The following PDZD2 variants were observed in gnomAD, a reference collection of about 807,000 sequenced individuals.
PDZD2 encodes PDZ domain-containing protein 2.
A neutral mutation model predicts 220.7 loss-of-function variants in PDZD2; 90 were observed. The observed-to-expected ratio is 0.41, with a 90% CI of 0.34 to 0.49. The LOEUF (loss-of-function observed/expected upper bound fraction) is 0.49. PDZD2 is among the 20% of genes least tolerant of loss of function. The pLI is 0.28. For missense variants in PDZD2, 3,174 were observed against 3,608.5 expected, an observed-to-expected ratio of 0.88 and a Z score of 3.08; for synonymous variants, 1,375 against 1,450.5, an observed-to-expected ratio of 0.95 and a Z score of 1.18.
chr5:31,665,564 G>A (rs763232309), intron 1 of PDZD2, among the ~76,000 whole-genome samples: 5 of 151,938 alleles, frequency 3.3e-5, no homozygotes, highest in South Asian at 2.1e-4. Context: ...TCATGGGGGC[G>A]GTTTCCCCCA....
intron 6 of PDZD2, among the ~76,000 whole-genome samples, chr5:32,021,160 T>TC (rs2112137510): frequency 1.3e-5 from 2 of 151,812 alleles, no homozygotes; most frequent in Non-Finnish European, 2.9e-5. Flanking sequence ...GGTCAGAAGT[T>TC]CCCCTGTGGA....
At chr5:31,690,197 T>C (rs1160711844) in intron 1 of PDZD2, among the ~76,000 whole-genome samples, 2 of 152,014 alleles carry the variant, frequency 1.3e-5, no homozygotes, top group African/African-American at 2.4e-5. Context: ...ATAGCACCCT[T>C]AGAGGGTTGC....
chr5:32,107,881 T>G, intron 24 of PDZD2, 88 bp from the exon 25 acceptor site: 1 of 740,222 alleles, frequency 1.4e-6, no homozygotes, highest in Non-Finnish European at 2.2e-6. Context: ...TTAGATATTT[T>G]TATCACTTAA....
chr5:31,815,245 C>CAAAAAAAAAAAAAAAAAAAAAAAAGAAAA (rs1755366523), intron 2 of PDZD2, among the ~76,000 whole-genome samples: 1 of 57,916 alleles, frequency 1.7e-5, no homozygotes, highest in Admixed American at 2.4e-4. Flanking sequence ...AACTCTGTCT[C>CAAAAAAAAAAAAAAAAAAAAAAAAGAAAA]AAAAAAAAAA....
At chr5:31,836,653 C>T (rs1756956653) in intron 2 of PDZD2, among the ~76,000 whole-genome samples, 1 of 152,078 alleles carries the variant, frequency 6.6e-6, no homozygotes, top group Admixed American at 6.6e-5. Context: ...GAGAGGTAGG[C>T]AAAGGTTTTT....
At chr5:31,910,806 A>G (rs1743133385) in intron 2 of PDZD2, among the ~76,000 whole-genome samples, 1 of 152,120 alleles carries the variant, frequency 6.6e-6, no homozygotes, top group African/African-American at 2.4e-5. Context: ...CCGGGATTAC[A>G]GGCATGAGCC....
chr5:31,747,217 C>T (rs1322424105), intron 1 of PDZD2, among the ~76,000 whole-genome samples: 2 of 152,134 alleles, frequency 1.3e-5, no homozygotes, highest in East Asian at 1.9e-4. Context: ...TCATGAGAGC[C>T]TTTGGAAATG....
rs139041477 is a variant in PDZD2 at position 31,803,773 on chromosome 5, C to T, written c.476+4049C>T. Among the ~76,000 whole-genome samples, 155 of 152,094 alleles carry T rather than the reference C, an allele frequency of 1.0e-3. 2 individuals carry two copies. In the East Asian group the frequency reaches 0.026, roughly 25 times the overall value. On this transcript the variant is annotated intron_variant, in intron 2 of 24. Coordinates refer to ENST00000438447, the MANE Select transcript of PDZD2 (RefSeq NM_178140.4). Reference sequence around the variant, plus strand: ...CAGAAAATAGGGGCAAGGTAGCTGACGCCTGTAATTTCAGCACTTTGGGAG... The same window carrying T: ...CAGAAAATAGGGGCAAGGTAGCTGATGCCTGTAATTTCAGCACTTTGGGAG...
chr5:32,029,173 A>G lies in PDZD2; in HGVS notation c.1408-8058A>G, dbSNP rs138825477. On this transcript the variant is annotated intron_variant, in intron 6 of 24. Coordinates refer to ENST00000438447, the MANE Select transcript of PDZD2 (RefSeq NM_178140.4). ...TACTTTTTAGTGATATGCAAATAAA[A>G]AAAAGTAAGTGGACCCTCAATAGTA... Among the ~76,000 whole-genome samples, 460 of 152,166 alleles carry G rather than the reference A, an allele frequency of 3.0e-3. 1 individual carries two copies. The highest frequency in any genetic ancestry group is 5.0e-3 in the Admixed American group (76 of 15,264).
At chr5:31,740,359 A>G (rs1410087994) in intron 1 of PDZD2, among the ~76,000 whole-genome samples, 1 of 95,964 alleles carries the variant, frequency 1.0e-5, no homozygotes, top group East Asian at 6.3e-4. Flanking sequence ...TCTCTACTAA[A>G]AATCAAAAAA....
chr5:31,880,953 C>T (rs1739838408), intron 2 of PDZD2, among the ~76,000 whole-genome samples: 1 of 151,530 alleles, frequency 6.6e-6, no homozygotes, highest in African/African-American at 2.4e-5. Context: ...AGGCGCCTAC[C>T]ACCATGCCCG....
At position 32,088,772 on chromosome 5, in the gene PDZD2, T is replaced by A. The variant is rs758395235; in HGVS notation, c.5324T>A (p.Leu1775His). The change falls in exon 20 of 25, where the codon CTC (leucine) becomes CAC (histidine). Residue 1775 changes from leucine (L) to histidine (H), a missense_variant. By Grantham distance (99) the Leu-to-His change is moderately conservative. Transcript: ENST00000438447. This position sits in a 1 kb window ranked among gnomAD's most constrained non-coding sequence, Gnocchi z 4.6. ...PKNGESVLEN[L>H]HISESQDLDD... ...AATGGAGAATCTGTTTTGGAAAACC[T>A]CCACATCTCTGAAAGTCAAGACCTG... is the stretch of plus-strand genomic sequence containing the variant. 2 of 1,613,948 alleles carry A rather than the reference T, an allele frequency of 1.2e-6. No individual in the cohort carries two copies. The highest frequency in any genetic ancestry group is 8.5e-7 in the Non-Finnish European group (1 of 1,179,930).
rs900592926 is a variant in PDZD2 at position 32,021,486 on chromosome 5, T to C, written c.1407+11004T>C. On this transcript the variant is annotated intron_variant, in intron 6 of 24. Coordinates refer to ENST00000438447, the MANE Select transcript of PDZD2 (RefSeq NM_178140.4). ...TGATTTTTGTATTTTTTAGTAGAGA[T>C]GGGGTTTCACCATGTTGGCCAGGCT... Among the ~76,000 whole-genome samples the C allele has an allele frequency of 9.9e-4, 151 of 151,988 alleles. 1 individual carries two copies. The highest frequency in any genetic ancestry group is 3.4e-3 in the Middle Eastern group (1 of 294).
At chr5:32,107,887 C>T in intron 24 of PDZD2, 82 bp from the exon 25 acceptor site, 2 of 837,574 alleles carry the variant, frequency 2.4e-6, no homozygotes. Context: ...ATTTTTATCA[C>T]TTAAAAGTTT....
Position 32,109,942 on chromosome 5 carries a change from GAGTT to G in PDZD2, c.*1814_*1817del, listed in dbSNP as rs796481151. The G allele has an allele frequency of 6.5e-6, 1 of 152,760 alleles. No homozygotes were observed. Among genetic ancestry groups the G allele is most frequent in the African/African-American group, 2.4e-5 (1 of 41,572 alleles). The allele number at this position is 152,760 out of a possible 1,614,324, so 9.5% of individuals were successfully genotyped here. ...CAATACAAAGGAAAATATGGTACAG[GAGTT>G]AGTTAGAAAGGTCTTATTGATTTTA... is the stretch of plus-strand genomic sequence containing the variant. On this transcript the variant is annotated 3_prime_UTR_variant, in exon 25 of 25. Transcript: ENST00000438447.
chr5:31,786,204 C>T (rs1342118949), intron 1 of PDZD2, among the ~76,000 whole-genome samples: 1 of 152,132 alleles, frequency 6.6e-6, no homozygotes, highest in Non-Finnish European at 1.5e-5. Flanking sequence ...TCTGAGAATT[C>T]ATTCTCTGCA....
At chr5:31,788,630 C>T (rs1753523326) in intron 1 of PDZD2, among the ~76,000 whole-genome samples, 2 of 151,434 alleles carry the variant, frequency 1.3e-5, no homozygotes, top group Admixed American at 1.3e-4. Context: ...CGTGCCACTG[C>T]ACTCCAGCCT....
chr5:31,680,790 G>A (rs1746620735), intron 1 of PDZD2, among the ~76,000 whole-genome samples: 1 of 152,130 alleles, frequency 6.6e-6, no homozygotes, highest in African/African-American at 2.4e-5. Flanking sequence ...GCCAGGCCCT[G>A]CTGGATTTGT....
intron 2 of PDZD2, among the ~76,000 whole-genome samples, chr5:31,855,842 T>C (rs1395521681): frequency 1.3e-5 from 2 of 152,218 alleles, no homozygotes; most frequent in African/African-American, 2.4e-5. Context: ...AATGGCATTT[T>C]CTGTCCTGTA....
Sources: gnomAD v4.1 joint callset for allele counts (sites outside exome capture counted in the v4.1 genomes callset) on GRCh38, gnomAD v4.1.1 for gene constraint, Gnocchi (gnomAD v3.1) non-coding constraint, MANE v1.5 for transcripts, NCBI Gene and HGNC (gene_info 2026-07-23, HGNC 2026-07-21) for gene names.